Variants in BTBD7 observed in about 807,000 individuals in gnomAD.
BTBD7 encodes BTB domain containing 7.
Under a neutral mutation model 99.9 loss-of-function variants are expected in BTBD7, and 38 were observed. That is an observed-to-expected ratio of 0.38 (90% confidence interval 0.29 to 0.50). BTBD7 has a LOEUF of 0.50. Ranked by LOEUF, BTBD7 falls within the 20% of genes least tolerant of loss-of-function variation. BTBD7 has a pLI of 0.93. For synonymous variants in BTBD7, 520 were observed against 511.4 expected (o/e 1.02, Z -0.23); for missense variants, 1,170 against 1,394.6 (o/e 0.84, Z 2.57).
At chr14:93,307,863 C>T (rs1043003283) in intron 1 of BTBD7, among the ~76,000 whole-genome samples, 8 of 152,150 alleles carry the variant, frequency 5.3e-5, no homozygotes, top group Non-Finnish European at 8.8e-5. Flanking sequence ...TTGAAAACTG[C>T]TGAATGAAAT....
intron 5 of BTBD7, among the ~76,000 whole-genome samples, chr14:93,260,189 A>C (rs1436327664): frequency 6.6e-6 from 1 of 152,214 alleles, no homozygotes; most frequent in Non-Finnish European, 1.5e-5. Flanking sequence ...AAATGTGACA[A>C]AACAACTCTA....
intron 3 of BTBD7, among the ~76,000 whole-genome samples, chr14:93,279,806 C>T (rs1357857026): frequency 6.6e-6 from 1 of 152,166 alleles, no homozygotes; most frequent in East Asian, 1.9e-4. Flanking sequence ...TTCTGGCACA[C>T]AGTAAGAGCT....
At chr14:93,332,436 G>C (rs2053448325) in intron 1 of BTBD7, 1 of 155,390 alleles carries the variant, frequency 6.4e-6, no homozygotes, top group Admixed American at 6.5e-5. Context: ...CCCGTCTCGG[G>C]AGCGGTTTCT....
In BTBD7 at chr14:93,246,148, A is replaced by G; in HGVS notation, c.2260T>C (p.Phe754Leu). ...GGTGGAGGGGGCAAGGGTGGATGGA[A>G]GGCCACAAAAGAGTCCAGATCTGTA... ...MFTDLDSFVA[F>L]HPPLPPPPPP... The change falls in exon 10 of 11, where the codon TTC becomes CTC. Residue 754 changes from phenylalanine (F) to leucine (L), a missense_variant. Physicochemically the swap from Phe to Leu is conservative, Grantham distance 22. Around this residue, in one of 4 missense-constraint regions of BTBD7, gnomAD observed 495 missense variants for 525.9 expected, o/e 0.94. Coordinates refer to ENST00000334746, the MANE Select transcript of BTBD7 (RefSeq NM_001002860.4). 1 of 1,614,002 alleles carries G rather than the reference A, an allele frequency of 6.2e-7. No individual in the cohort carries two copies. Among genetic ancestry groups the G allele is most frequent in the Non-Finnish European group, 8.5e-7 (1 of 1,179,968 alleles).
Position 93,248,692 on chromosome 14 carries a change from A to G in BTBD7, c.1943-38T>C, listed in dbSNP as rs776557101. ...CAACAGTGGGCAAGCAAAATTCCTGAGCTACACAAAAGACGACCCCGTGAG... is the reference window on the plus strand; with the variant it reads ...CAACAGTGGGCAAGCAAAATTCCTGGGCTACACAAAAGACGACCCCGTGAG... On this transcript the variant is annotated intron_variant, in intron 8 of 10. Transcript: ENST00000334746. 5.9e-6 allele frequency: 9 copies of G among 1,538,334 alleles called. No homozygotes were observed. The South Asian group carries it at 9.6e-5, about 16-fold the overall frequency.
At chr14:93,257,380 T>C in intron 5 of BTBD7, 25 bp from the exon 6 acceptor site, 1 of 1,576,662 alleles carries the variant, frequency 6.3e-7, no homozygotes, top group Admixed American at 1.9e-5. Context: ...ATGAAAAGTT[T>C]CCAACCAAAT....
intron 3 of BTBD7, among the ~76,000 whole-genome samples, chr14:93,280,096 T>C: frequency 6.6e-6 from 1 of 152,234 alleles, no homozygotes; most frequent in Non-Finnish European, 1.5e-5. Context: ...CACAGAAAAC[T>C]TTAGCTTCTT....
At chr14:93,305,421 G>C (rs925431671) in intron 1 of BTBD7, among the ~76,000 whole-genome samples, 1 of 152,308 alleles carries the variant, frequency 6.6e-6, no homozygotes, top group Non-Finnish European at 1.5e-5. Flanking sequence ...CAAGTTTTGA[G>C]AACGTTTAGC....
Position 93,309,664 on chromosome 14 carries a change from G to A in BTBD7, c.-106-13507C>T, listed in dbSNP as rs187991062. On this transcript the variant is annotated intron_variant, in intron 1 of 10. Coordinates refer to ENST00000334746, the MANE Select transcript of BTBD7 (RefSeq NM_001002860.4). ...GTTTCTACTTTATCACCCAACTGAG[G>A]TAAAGGGACAGATCTTAATCTCTCT... 7.2e-4 allele frequency among the ~76,000 whole-genome samples: 109 copies of A among 152,144 alleles called. 2 individuals are homozygous for A. The highest frequency in any genetic ancestry group is 8.8e-5 in the Non-Finnish European group (6 of 67,998).
intron 4 of BTBD7, among the ~76,000 whole-genome samples, chr14:93,262,319 G>C (rs896635213): frequency 6.6e-6 from 1 of 151,924 alleles, no homozygotes; most frequent in Non-Finnish European, 1.5e-5. Flanking sequence ...ATTTTTAGTA[G>C]AGACAGGGTT....
At position 93,242,256 on chromosome 14, in the gene BTBD7, C is replaced by A; in HGVS notation, c.*17G>T. 1 of 1,605,454 alleles carries A rather than the reference C, an allele frequency of 6.2e-7. No homozygotes were observed. The highest frequency in any genetic ancestry group is 8.5e-7 in the Non-Finnish European group (1 of 1,173,512). ...GGATGTTTCACATCTCAGGCACAGACGACTTGGAGGTTGCTCTCAGAGGGC... is the reference window on the plus strand; with the variant it reads ...GGATGTTTCACATCTCAGGCACAGAAGACTTGGAGGTTGCTCTCAGAGGGC... On this transcript the variant is annotated 3_prime_UTR_variant, in exon 11 of 11. Transcript: ENST00000334746.
intron 5 of BTBD7, among the ~76,000 whole-genome samples, chr14:93,260,173 AT>A (rs2052472281): frequency 6.6e-6 from 1 of 152,214 alleles, no homozygotes; most frequent in Non-Finnish European, 1.5e-5. Context: ...CATTTTTTAT[AT>A]TTAAAAATGT....
At chr14:93,267,840 T>C (rs1425882191) in intron 3 of BTBD7, among the ~76,000 whole-genome samples, 1 of 152,226 alleles carries the variant, frequency 6.6e-6, no homozygotes, top group Non-Finnish European at 1.5e-5. Context: ...CTGATACTTT[T>C]CCCCTGCATT....
chr14:93,287,535 T>A (rs2052794922), intron 3 of BTBD7: 1 of 152,188 alleles, frequency 6.6e-6, no homozygotes, highest in Non-Finnish European at 1.5e-5. Context: ...GTTAAATTTA[T>A]CTTGGAAATA....
At chr14:93,258,469 ATCC>A (rs1365881607) in intron 5 of BTBD7, among the ~76,000 whole-genome samples, 3 of 152,172 alleles carry the variant, frequency 2.0e-5, no homozygotes, top group African/African-American at 7.2e-5. Context: ...TAAGTGCAGA[ATCC>A]TCCTGTATAA....
At chr14:93,278,182 G>A (rs2052677818) in intron 3 of BTBD7, among the ~76,000 whole-genome samples, 3 of 152,174 alleles carry the variant, frequency 2.0e-5, no homozygotes, top group Non-Finnish European at 4.4e-5. Context: ...GGAAGCCGAG[G>A]TGGGTGGATC....
chr14:93,301,456 C>G (rs544684946), intron 1 of BTBD7, among the ~76,000 whole-genome samples: 151 of 152,178 alleles, frequency 9.9e-4, no homozygotes, highest in Non-Finnish European at 1.6e-3. Flanking sequence ...CTCCCAAATG[C>G]TGGGATTACA....
chr14:93,264,989 T>C (rs1199526073), intron 3 of BTBD7, among the ~76,000 whole-genome samples: 1 of 152,138 alleles, frequency 6.6e-6, no homozygotes, highest in Non-Finnish European at 1.5e-5. Context: ...CTCGGGAGGC[T>C]AAGGCAGGAG....
intron 1 of BTBD7, among the ~76,000 whole-genome samples, chr14:93,308,782 A>G (rs560786549): frequency 1.6e-4 from 24 of 152,360 alleles, no homozygotes; most frequent in African/African-American, 5.3e-4. Context: ...ACTTATATGA[A>G]GTACTTAGAG....
Sources: allele counts gnomAD v4.1 joint callset (sites outside exome capture counted in the v4.1 genomes callset), GRCh38; gene constraint gnomAD v4.1.1; regional missense constraint gnomAD v4.1.1; transcripts MANE v1.5; gene names NCBI Gene and HGNC (gene_info 2026-07-23, HGNC 2026-07-21).